ST6GAL2: variants seen among roughly 807,000 people sequenced by gnomAD.
The protein encoded by ST6GAL2 is ST6 beta-galactoside alpha-2,6-sialyltransferase 2, also known as beta-galactoside alpha-2,6-sialyltransferase 2.
ST6GAL2 carries 24 observed loss-of-function variants against 37.5 expected under a neutral mutation model. The ratio of observed to expected loss-of-function variants is 0.64; its 90% confidence interval spans 0.46 to 0.90. The LOEUF (loss-of-function observed/expected upper bound fraction) is 0.90. Ranked by LOEUF, ST6GAL2 falls within the 40% of genes least tolerant of loss-of-function variation. The pLI is 0.00. For synonymous variants in ST6GAL2, 306 were observed against 295.1 expected, an observed-to-expected ratio of 1.04 and a Z score of -0.38; for missense variants, 715 against 712.7, an observed-to-expected ratio of 1.00 and a Z score of -0.04.
intron 1 of ST6GAL2, among the ~76,000 whole-genome samples, chr2:106,848,338 C>T (rs185163949): frequency 9.9e-4 from 151 of 152,300 alleles, no homozygotes; most frequent in Admixed American, 1.8e-3. Flanking sequence ...GCTGCAGCAG[C>T]TGATTTAAAA....
At chr2:106,817,232 G>A (rs191349816) in intron 5 of ST6GAL2, among the ~76,000 whole-genome samples, 2 of 152,326 alleles carry the variant, frequency 1.3e-5, no homozygotes, top group East Asian at 3.9e-4. Context: ...CGAGACACAA[G>A]CTAGGGCAGC....
chr2:106,870,267 C>T (rs12989675), intron 1 of ST6GAL2, among the ~76,000 whole-genome samples: 104,817 of 151,988 alleles, frequency 0.69, 36,525 homozygotes, highest in Non-Finnish European at 0.76. Flanking sequence ...AGCCTTTCTT[C>T]CCAAAAATGA....
intron 1 of ST6GAL2, among the ~76,000 whole-genome samples, chr2:106,871,346 C>T (rs2104617577): frequency 6.6e-6 from 1 of 152,258 alleles, no homozygotes; most frequent in African/African-American, 2.4e-5. Context: ...CTACTTGCTA[C>T]TGTAGACTTT....
At chr2:106,837,322 G>A (rs574950184) in intron 2 of ST6GAL2, among the ~76,000 whole-genome samples, 53 of 152,204 alleles carry the variant, frequency 3.5e-4, no homozygotes, top group African/African-American at 1.2e-3. Flanking sequence ...TGTATTCAAA[G>A]GTTGAGCTTT....
intron 5 of ST6GAL2, among the ~76,000 whole-genome samples, chr2:106,809,948 T>C (rs1396866558): frequency 6.6e-6 from 1 of 152,202 alleles, no homozygotes; most frequent in African/African-American, 2.4e-5. Flanking sequence ...AAGGACCAGG[T>C]TGTTTTAACA....
At chr2:106,838,462 G>T (rs1221217510) in intron 2 of ST6GAL2, among the ~76,000 whole-genome samples, 2 of 152,136 alleles carry the variant, frequency 1.3e-5, no homozygotes, top group African/African-American at 4.8e-5. Flanking sequence ...CATCACCCTG[G>T]GAGCCCTGTT....
chr2:106,812,260 A>C (rs887399079), intron 5 of ST6GAL2, among the ~76,000 whole-genome samples: 1 of 152,190 alleles, frequency 6.6e-6, no homozygotes, highest in Non-Finnish European at 1.5e-5. Context: ...CTGCTCTCTA[A>C]CGTCTCACCT....
intron 1 of ST6GAL2, among the ~76,000 whole-genome samples, chr2:106,869,595 T>C (rs1298789888): frequency 6.6e-6 from 1 of 152,140 alleles, no homozygotes; most frequent in Non-Finnish European, 1.5e-5. Flanking sequence ...TTTTGCTCTC[T>C]GGGCAGAAGC....
At chr2:106,872,480 TG>T (rs1250239624) in intron 1 of ST6GAL2, among the ~76,000 whole-genome samples, 3 of 152,238 alleles carry the variant, frequency 2.0e-5, no homozygotes, top group African/African-American at 7.2e-5. Flanking sequence ...TTTCCATGGA[TG>T]TGAGGACATC....
intron 5 of ST6GAL2, among the ~76,000 whole-genome samples, chr2:106,808,220 G>C (rs1459605719): frequency 6.6e-6 from 1 of 152,150 alleles, no homozygotes; most frequent in Non-Finnish European, 1.5e-5. Context: ...TTTGCTGAGG[G>C]GTTCCAGAAA....
At position 106,843,588 on chromosome 2, in the gene ST6GAL2, G is replaced by A. The variant is rs1677013942; in HGVS notation, c.390C>T (p.Asp130=). Residue 130 remains aspartate, a synonymous_variant, in exon 2 of 6, where the codon GAC becomes GAT. Transcript: ENST00000409382. ...CTGGCTGACCAGCAGCAAAAAAGTA[G>A]TCGTCATCCTCCGGGTAGAAAGCAC... ...SQSAFYPEDD[D]YFFAAGQPGW... 1 of 1,614,018 alleles carries A rather than the reference G, an allele frequency of 6.2e-7. No individual in the cohort carries two copies. The highest frequency in any genetic ancestry group is 8.5e-7 in the Non-Finnish European group (1 of 1,180,020).
In ST6GAL2 at chr2:106,802,341, ATATAAC is replaced by A. The variant is rs1355014694; in HGVS notation, c.*4331_*4336del. ...TGTGTAGATATGTATATACACAATT[ATATAAC>A]TATATCTACATGTACACTTTTCATA... On this transcript the variant is annotated 3_prime_UTR_variant, in exon 6 of 6. Transcript: ENST00000409382. The A allele has an allele frequency of 7.9e-5, 12 of 151,572 alleles. No homozygotes were observed. Among genetic ancestry groups the A allele is most frequent in the African/African-American group, 2.4e-4 (10 of 41,328 alleles). 9.4% of individuals were successfully genotyped at this position (151,572 alleles called of 1,614,324 possible). A position where few individuals can be genotyped will look rare whatever the true frequency, so the allele number is the denominator to read the frequency against.
In ST6GAL2 at chr2:106,877,853, A is replaced by G. The variant is rs149686091; in HGVS notation, c.-58+8240T>C. On this transcript the variant is annotated intron_variant, in intron 1 of 5. Coordinates refer to ENST00000409382, the MANE Select transcript of ST6GAL2 (RefSeq NM_001142351.2). ...ACTTAAAGGAGAAACAAACCAATCA[A>G]TATGGGTATGCCTTTCAGTTCAGTG... Among the ~76,000 whole-genome samples the G allele has an allele frequency of 4.6e-5, 7 of 152,366 alleles. 1 individual carries two copies. The East Asian group carries it at 1.4e-3, about 29-fold the overall frequency.
chr2:106,843,401 C>T lies in ST6GAL2; in HGVS notation c.577G>A (p.Asp193Asn), dbSNP rs1037175427. 1 of 1,614,106 alleles carries T rather than the reference C, an allele frequency of 6.2e-7. No homozygotes were observed. Among genetic ancestry groups the T allele is most frequent in the Middle Eastern group, 1.7e-4 (1 of 6,060 alleles). ...SHVLEEGDDG[D>N]RLYSSMSRAF... ...CTGGACATGGAGGAGTACAGCCTGT[C>T]GCCGTCGTCGCCCTCCTCCAACACG... The change falls in exon 2 of 6, where the codon GAC (aspartate) becomes AAC (asparagine). Residue 193 changes from aspartate (D) to asparagine (N), a missense_variant. Asp to Asn is a conservative substitution (Grantham distance 23, BLOSUM62 1). Coordinates refer to ENST00000409382, the MANE Select transcript of ST6GAL2 (RefSeq NM_001142351.2).
At chr2:106,861,671 C>T (rs547693792) in intron 1 of ST6GAL2, among the ~76,000 whole-genome samples, 11 of 151,424 alleles carry the variant, frequency 7.3e-5, no homozygotes, top group African/African-American at 2.7e-4. Context: ...ACTCTGTCAC[C>T]CAGGCTGGAG....
chr2:106,810,954 A>AAAATAAATAAATAAAT (rs57102776), intron 5 of ST6GAL2, among the ~76,000 whole-genome samples: 5,354 of 151,528 alleles, frequency 0.035, 117 homozygotes, highest in Admixed American at 0.055. Context: ...GCATCCTGTC[A>AAAATAAATAAATAAAT]AAATAAATAA....
chr2:106,815,676 T>C (rs1675774285), intron 5 of ST6GAL2, among the ~76,000 whole-genome samples: 1 of 152,214 alleles, frequency 6.6e-6, no homozygotes, highest in South Asian at 2.1e-4. Context: ...CTAAAGGTAC[T>C]ATCAGTATCT....
intron 5 of ST6GAL2, chr2:106,812,939 A>T: frequency 3.5e-6 from 3 of 845,410 alleles, no homozygotes; most frequent in Non-Finnish European, 4.7e-6. Flanking sequence ...ACAAAAAATT[A>T]ACAACTTTAT....
At chr2:106,879,191 A>G (rs1326050123) in intron 1 of ST6GAL2, among the ~76,000 whole-genome samples, 2 of 152,196 alleles carry the variant, frequency 1.3e-5, no homozygotes, top group Non-Finnish European at 2.9e-5. Flanking sequence ...AAAAAAAATT[A>G]ACCCTGCCTC....
Sources: gnomAD v4.1 joint callset for allele counts (sites outside exome capture counted in the v4.1 genomes callset) on GRCh38, gnomAD v4.1.1 for gene constraint, MANE v1.5 for transcripts, NCBI Gene and HGNC (gene_info 2026-07-23, HGNC 2026-07-21) for gene names.